PTPRD: variants seen among roughly 807,000 people sequenced by gnomAD.
PTPRD encodes the protein receptor-type tyrosine-protein phosphatase delta.
In PTPRD, 34 loss-of-function variants were observed where a neutral mutation model predicts 214.5. The ratio of observed to expected loss-of-function variants is 0.16; its 90% CI spans 0.12 to 0.21. The LOEUF is 0.21. PTPRD is among the 10% of genes least tolerant of loss of function. The pLI, the probability that PTPRD is intolerant of heterozygous loss-of-function variation, is 1.00. For synonymous variants in PTPRD, 1,128 were observed against 845.7 expected (o/e 1.33, Z -5.79); for missense variants, 2,545 against 2,398.7 (o/e 1.06, Z -1.27).
intron 8 of PTPRD, among the ~76,000 whole-genome samples, chr9:9,440,756 A>G (rs904508049): frequency 6.6e-6 from 1 of 152,238 alleles, no homozygotes. Context: ...CTTGTGTTAA[A>G]CAGAGATAAA....
At chr9:10,465,035 AAGAC>A (rs1463905137) in intron 2 of PTPRD, among the ~76,000 whole-genome samples, 2 of 152,194 alleles carry the variant, frequency 1.3e-5, no homozygotes, top group African/African-American at 4.8e-5. Flanking sequence ...GCTAATTTAA[AAGAC>A]AGAGCAAATA....
At chr9:10,389,690 A>C (rs1416348440) in intron 2 of PTPRD, among the ~76,000 whole-genome samples, 2 of 151,872 alleles carry the variant, frequency 1.3e-5, no homozygotes, top group African/African-American at 4.8e-5. Flanking sequence ...TTCTGACTCC[A>C]CATCCTTGAT....
chr9:8,688,429 G>C (rs2097732183), intron 12 of PTPRD, among the ~76,000 whole-genome samples: 1 of 152,156 alleles, frequency 6.6e-6, no homozygotes, highest in East Asian at 1.9e-4. Context: ...GCCGGGCGTG[G>C]TGGTGGGCGC....
In PTPRD at chr9:9,575,898, C is replaced by T. The variant is rs541904774; in HGVS notation, c.-286-1117G>A. Among the ~76,000 whole-genome samples the T allele has an allele frequency of 3.3e-5, 5 of 151,878 alleles. No individual in the cohort carries two copies. In the South Asian group the frequency reaches 1.0e-3, roughly 32 times the overall value. ...AAGTTTGTTTAATGCTTGATAGATA[C>T]TATTTTATATGAACAAGAAAAGAAA... is the stretch of plus-strand genomic sequence containing the variant. On this transcript the variant is annotated intron_variant, in intron 7 of 45. Transcript: ENST00000381196.
intron 8 of PTPRD, among the ~76,000 whole-genome samples, chr9:9,502,516 T>A (rs905687815): frequency 6.6e-6 from 1 of 151,956 alleles, no homozygotes; most frequent in Non-Finnish European, 1.5e-5. Context: ...ATGATATAAC[T>A]CTTTGGACTA....
intron 14 of PTPRD, among the ~76,000 whole-genome samples, chr9:8,545,512 A>G (rs1404772608): frequency 1.3e-5 from 2 of 152,226 alleles, no homozygotes; most frequent in Non-Finnish European, 2.9e-5. Context: ...GATAAAACGT[A>G]TAACATTTCC....
At chr9:9,790,064 T>C (rs1375801974) in intron 5 of PTPRD, among the ~76,000 whole-genome samples, 1 of 152,164 alleles carries the variant, frequency 6.6e-6, no homozygotes, top group Non-Finnish European at 1.5e-5. Context: ...AACCTCTTTC[T>C]AATCTGGTCC....
rs78480700 is a variant in PTPRD, at chr9:10,423,768, A to G, written c.-599-82751T>C. Among the ~76,000 whole-genome samples the G allele has an allele frequency of 2.8e-3, 420 of 152,132 alleles. 14 individuals carry two copies. The East Asian group carries it at 0.064, about 23-fold the overall frequency. On this transcript the variant is annotated intron_variant, in intron 2 of 45. Coordinates refer to ENST00000381196, the MANE Select transcript of PTPRD (RefSeq NM_002839.4). ...TAAGTTTACTCATACCGGAAAAATC[A>G]TACTTAAAATCACTGTTTCAGTCCA...
chr9:10,488,249 C>A (rs1376101854), intron 2 of PTPRD, among the ~76,000 whole-genome samples: 2 of 151,770 alleles, frequency 1.3e-5, no homozygotes, highest in Non-Finnish European at 2.9e-5. Context: ...CGCCTGTAGT[C>A]CCAGCTACTC....
chr9:8,854,155 T>A (rs1352993946), intron 11 of PTPRD, among the ~76,000 whole-genome samples: 1 of 152,218 alleles, frequency 6.6e-6, no homozygotes, highest in East Asian at 1.9e-4. Flanking sequence ...TAGAAACTTT[T>A]GGGAATTAAA....
At chr9:10,373,081 C>T (rs975939069) in intron 2 of PTPRD, among the ~76,000 whole-genome samples, 6 of 150,998 alleles carry the variant, frequency 4.0e-5, no homozygotes, top group African/African-American at 1.5e-4. Flanking sequence ...GATCCGCCAG[C>T]CTTGGCCTCC....
chr9:8,438,608 G>A (rs1023885661), intron 34 of PTPRD: 1 of 152,184 alleles, frequency 6.6e-6, no homozygotes, highest in African/African-American at 2.4e-5. Context: ...AGGCATAGGT[G>A]ACTTTAGGCT....
At chr9:9,690,086 G>T (rs2097240765) in intron 7 of PTPRD, among the ~76,000 whole-genome samples, 1 of 151,866 alleles carries the variant, frequency 6.6e-6, no homozygotes, top group Non-Finnish European at 1.5e-5. Flanking sequence ...CCTAGTAGCT[G>T]TACTAATTTA....
intron 3 of PTPRD, among the ~76,000 whole-genome samples, chr9:10,307,264 A>C (rs572365715): frequency 6.6e-6 from 1 of 152,066 alleles, no homozygotes; most frequent in Non-Finnish European, 1.5e-5. Context: ...GGATGTAACT[A>C]TCATGCTACC....
chr9:9,027,122 A>G (rs1297880455), intron 10 of PTPRD, among the ~76,000 whole-genome samples: 1 of 151,636 alleles, frequency 6.6e-6, no homozygotes, highest in South Asian at 2.1e-4. Flanking sequence ...GCTTTCTTGC[A>G]TGACATCTGG....
chr9:10,536,037 C>T (rs916772092), intron 2 of PTPRD, among the ~76,000 whole-genome samples: 3 of 152,052 alleles, frequency 2.0e-5, no homozygotes, highest in African/African-American at 7.2e-5. Context: ...CAGTGGTTAG[C>T]AAACCTCTTA....
chr9:10,551,550 C>T (rs1405794499), intron 2 of PTPRD, among the ~76,000 whole-genome samples: 1 of 152,096 alleles, frequency 6.6e-6, no homozygotes, highest in Non-Finnish European at 1.5e-5. Context: ...CTTTGTAAAA[C>T]AGGCCCTAAA....
chr9:10,341,710 A>T (rs1422962808), intron 2 of PTPRD, among the ~76,000 whole-genome samples: 1 of 151,984 alleles, frequency 6.6e-6, no homozygotes, highest in Non-Finnish European at 1.5e-5. Flanking sequence ...AAACCTCTCT[A>T]AACTGCTGCT....
At chr9:8,517,449 T>A (rs1348931355) in intron 21 of PTPRD, among the ~76,000 whole-genome samples, 1 of 152,182 alleles carries the variant, frequency 6.6e-6, no homozygotes, top group African/African-American at 2.4e-5. Context: ...CTGTAACAGT[T>A]TTATTTTTTA....
Sources: gnomAD v4.1 joint callset for allele counts (sites outside exome capture counted in the v4.1 genomes callset) on GRCh38, gnomAD v4.1.1 for gene constraint, MANE v1.5 for transcripts, NCBI Gene and HGNC (gene_info 2026-07-23, HGNC 2026-07-21) for gene names.